The following MCC variants were observed in gnomAD, a reference collection of about 807,000 sequenced individuals.
MCC encodes MCC regulator of Wnt signaling pathway.
Under a neutral mutation model 116.2 loss-of-function variants are expected in MCC, and 90 were observed. The ratio of observed to expected loss-of-function variants is 0.77; its 90% CI spans 0.65 to 0.92. MCC has a LOEUF of 0.92. Among genes scored for constraint, MCC ranks in the 40% least tolerant of loss-of-function variants. The probability of loss-of-function intolerance (pLI) is 0.00; values close to 1 mark genes in which losing one functional copy is unlikely to be tolerated. For missense variants in MCC, 1,516 were observed against 1,312.2 expected, an observed-to-expected ratio of 1.16 and a Z score of -2.40; for synonymous variants, 578 against 510.5, an observed-to-expected ratio of 1.13 and a Z score of -1.78.
intron 3 of MCC, among the ~76,000 whole-genome samples, chr5:113,186,228 A>G (rs1761888370): frequency 6.6e-6 from 1 of 152,294 alleles, no homozygotes; most frequent in South Asian, 2.1e-4. Context: ...TGCTTCTCAC[A>G]CAGGGAAATC....
At chr5:113,283,071 A>C (rs1766111537) in intron 3 of MCC, among the ~76,000 whole-genome samples, 3 of 152,264 alleles carry the variant, frequency 2.0e-5, no homozygotes, top group Admixed American at 1.3e-4. Flanking sequence ...CCGGCCCGAC[A>C]AAGCATCAGA....
intron 3 of MCC, among the ~76,000 whole-genome samples, chr5:113,267,876 T>A (rs916412237): frequency 3.9e-5 from 6 of 152,236 alleles, no homozygotes; most frequent in Non-Finnish European, 5.9e-5. Flanking sequence ...ATTTCAAAGC[T>A]ATTAAACCTA....
At chr5:113,443,981 C>A (rs1322488514) in intron 1 of MCC, among the ~76,000 whole-genome samples, 1 of 128,252 alleles carries the variant, frequency 7.8e-6, no homozygotes, top group Non-Finnish European at 1.6e-5. Flanking sequence ...CACCACCATG[C>A]TCGGCTAATT....
At chr5:113,121,371 G>A (rs977527983) in intron 6 of MCC, among the ~76,000 whole-genome samples, 4 of 152,188 alleles carry the variant, frequency 2.6e-5, no homozygotes, top group African/African-American at 9.7e-5. Context: ...GTCATGGCCT[G>A]TAAGACTCTG....
intron 1 of MCC, among the ~76,000 whole-genome samples, chr5:113,451,057 T>C (rs1771378330): frequency 6.6e-6 from 1 of 152,162 alleles, no homozygotes; most frequent in South Asian, 2.1e-4. Context: ...TTTTTTTTTC[T>C]TTTCTACACT....
chr5:113,132,515 C>G (rs897802609), intron 5 of MCC, among the ~76,000 whole-genome samples: 1 of 150,798 alleles, frequency 6.6e-6, no homozygotes, highest in Non-Finnish European at 1.5e-5. Flanking sequence ...TATGCACAGC[C>G]TAGCCATCTT....
chr5:113,378,513 T>C (rs1017449017), intron 2 of MCC, among the ~76,000 whole-genome samples: 1 of 152,222 alleles, frequency 6.6e-6, no homozygotes, highest in Non-Finnish European at 1.5e-5. Context: ...TTATGTCTAC[T>C]ATCTTAAACA....
chr5:113,029,547 G>A lies in MCC; in HGVS notation c.2757-491C>T, dbSNP rs151250139. The stretch of plus-strand genomic sequence containing the variant: ...CCAAAAACCAAAAAATTGGTAGAGG[G>A]AGTAGATATGATACTCTCTTCATTG... On this transcript the variant is annotated intron_variant, in intron 17 of 18. Coordinates refer to ENST00000408903, the MANE Select transcript of MCC (RefSeq NM_001085377.2). Among the ~76,000 whole-genome samples, 88 of 152,148 alleles carry A rather than the reference G, an allele frequency of 5.8e-4. 1 individual carries two copies. In the Middle Eastern group the frequency reaches 0.01, roughly 18 times the overall value.
chr5:113,156,240 T>A (rs772367168), intron 3 of MCC, among the ~76,000 whole-genome samples: 3 of 152,214 alleles, frequency 2.0e-5, no homozygotes, highest in African/African-American at 4.8e-5. Context: ...GCTGATCTAA[T>A]CCTAATTCAC....
At chr5:113,163,362 C>A (rs896641183) in intron 3 of MCC, among the ~76,000 whole-genome samples, 3 of 152,244 alleles carry the variant, frequency 2.0e-5, no homozygotes, top group African/African-American at 7.2e-5. Context: ...AAGTTGTCAC[C>A]AAAACAGAGA....
intron 3 of MCC, among the ~76,000 whole-genome samples, chr5:113,286,308 C>T (rs1192120748): frequency 2.6e-5 from 4 of 152,254 alleles, no homozygotes; most frequent in East Asian, 3.8e-4. Flanking sequence ...CTCCCACTCT[C>T]ACCACATAAC....
intron 2 of MCC, among the ~76,000 whole-genome samples, chr5:113,373,135 C>T (rs1317348885): frequency 6.6e-6 from 1 of 151,224 alleles, no homozygotes; most frequent in South Asian, 2.1e-4. Flanking sequence ...GCCGAGATCG[C>T]GCCACTGCAC....
intron 1 of MCC, chr5:113,435,054 G>A: frequency 1.7e-6 from 1 of 573,360 alleles, no homozygotes; most frequent in Admixed American, 3.1e-5. Context: ...GAGTGCCCTG[G>A]GGGAATGAGA....
chr5:113,371,069 A>C (rs1768826066), intron 2 of MCC, among the ~76,000 whole-genome samples: 1 of 152,100 alleles, frequency 6.6e-6, no homozygotes, highest in South Asian at 2.1e-4. Context: ...AAGACAAAAA[A>C]AATTAGCCGG....
chr5:113,112,542 G>C (rs1757160040), intron 6 of MCC, among the ~76,000 whole-genome samples: 1 of 152,210 alleles, frequency 6.6e-6, no homozygotes, highest in Non-Finnish European at 1.5e-5. Context: ...GTGGAACTGT[G>C]AATCAATTAA....
At chr5:113,201,170 G>A (rs1207695484) in intron 3 of MCC, among the ~76,000 whole-genome samples, 6 of 152,106 alleles carry the variant, frequency 3.9e-5, no homozygotes. Flanking sequence ...AGGATCACCT[G>A]AGGTCGGGAA....
intron 1 of MCC, among the ~76,000 whole-genome samples, chr5:113,483,124 C>T (rs10477493): frequency 0.11 from 17,443 of 152,116 alleles, 1,743 homozygotes; most frequent in African/African-American, 0.27. Context: ...ATTCCATTGA[C>T]CTATTTGTGT....
intron 15 of MCC, among the ~76,000 whole-genome samples, chr5:113,049,986 A>G (rs1752379294): frequency 6.6e-6 from 1 of 152,236 alleles, no homozygotes; most frequent in South Asian, 2.1e-4. Flanking sequence ...TGAATCCAAA[A>G]TAGGACAGTG....
At chr5:113,340,856 C>T in intron 2 of MCC, 126 bp from the exon 3 acceptor site, 1 of 714,246 alleles carries the variant, frequency 1.4e-6, no homozygotes, top group East Asian at 2.7e-5. Context: ...ACATGTGATG[C>T]CCAGGCTGCA....
Sources: gnomAD v4.1 joint callset for allele counts (sites outside exome capture counted in the v4.1 genomes callset) on GRCh38, gnomAD v4.1.1 for gene constraint, MANE v1.5 for transcripts, NCBI Gene and HGNC (gene_info 2026-07-23, HGNC 2026-07-21) for gene names.